The following ABCA4 variants were observed in gnomAD, a reference collection of about 807,000 sequenced individuals.
ABCA4 encodes retinal-specific phospholipid-transporting ATPase ABCA4.
Under a neutral mutation model 263.7 loss-of-function variants are expected in ABCA4, and 196 were observed. That is an observed-to-expected ratio of 0.74 (90% CI 0.66 to 0.84). ABCA4 has a LOEUF of 0.84. ABCA4 is among the 40% of genes least tolerant of loss of function. ABCA4 has a pLI of 0.00. For missense variants in ABCA4, 2,792 were observed against 2,855.1 expected (o/e 0.98, Z 0.50); for synonymous variants, 1,133 against 1,094.2 (o/e 1.04, Z -0.70).
intron 11 of ABCA4, among the ~76,000 whole-genome samples, chr1:94,076,193 A>T (rs1039998947): frequency 7.2e-5 from 11 of 152,274 alleles, no homozygotes; most frequent in Admixed American, 7.2e-4. Context: ...CAGGCCTCCC[A>T]ATCAGAGTAC....
intron 8 of ABCA4, 76 bp downstream of exon 8, chr1:94,080,402 T>C: frequency 3.1e-6 from 5 of 1,598,108 alleles, no homozygotes; most frequent in Non-Finnish European, 4.3e-6. Flanking sequence ...CCAGGTTTGG[T>C]TTCACCTAGA....
rs770491448 is a variant in ABCA4 at position 94,108,627 on chromosome 1, A to T, written c.392T>A (p.Ile131Asn). Residue 131 changes from isoleucine to asparagine, a missense_variant, in exon 4 of 50, where the codon ATC becomes AAC. Transcript: ENST00000370225. Reference sequence around the variant, plus strand: ...GAGGGTGTCCATGAATTGGGACAAGATGTGTAGCTCTGTCCAAATACGGCC... The same window carrying T: ...GAGGGTGTCCATGAATTGGGACAAGTTGTGTAGCTCTGTCCAAATACGGCC... Reference protein sequence around the residue: ...HLGRIWTELHILSQFMDTLRT... With the variant: ...HLGRIWTELHNLSQFMDTLRT... 5 of 1,613,690 alleles carry T rather than the reference A, an allele frequency of 3.1e-6. No homozygotes were observed. The highest frequency in any genetic ancestry group is 1.3e-5 in the African/African-American group (1 of 74,894).
chr1:93,998,444 G>A (rs1217989603), intron 47 of ABCA4, among the ~76,000 whole-genome samples: 1 of 152,118 alleles, frequency 6.6e-6, no homozygotes, highest in African/African-American at 2.4e-5. Context: ...TCATGCCACT[G>A]CACTCCAGCC....
At chr1:94,048,741 T>C in intron 18 of ABCA4, 127 bp downstream of exon 18, 1 of 879,776 alleles carries the variant, frequency 1.1e-6, no homozygotes, top group Non-Finnish European at 1.9e-6. Context: ...GTTTAACACT[T>C]GTCCACAGAG....
intron 48 of ABCA4, among the ~76,000 whole-genome samples, chr1:93,997,637 C>T (rs1425310340): frequency 6.6e-6 from 1 of 152,022 alleles, no homozygotes; most frequent in African/African-American, 2.4e-5. Flanking sequence ...CATAGCATCA[C>T]AGGGAAGGAA....
chr1:94,009,410 C>T (rs893130192), intron 40 of ABCA4, among the ~76,000 whole-genome samples: 1 of 152,134 alleles, frequency 6.6e-6, no homozygotes, highest in African/African-American at 2.4e-5. Flanking sequence ...TCTGTTGTTC[C>T]CCATCAGCTG....
chr1:94,120,582 G>A (rs1303155738), intron 1 of ABCA4, among the ~76,000 whole-genome samples: 3 of 151,990 alleles, frequency 2.0e-5, no homozygotes, highest in East Asian at 1.9e-4. Context: ...GAAGCTGTTC[G>A]AGGGGGTTCT....
In ABCA4 at chr1:94,005,580, A is replaced by G; in HGVS notation, c.6008T>C (p.Ile2003Thr). 1.2e-6 allele frequency: 2 copies of G among 1,614,016 alleles called. No homozygotes were observed. The highest frequency in any genetic ancestry group is 1.7e-6 in the Non-Finnish European group (2 of 1,179,892). The stretch of plus-strand genomic sequence containing the variant: ...ATGGACTTCAGAAATATTGGTTAAA[A>G]TACTGCAAGAAAAAAAGCAATTACT... ...SGDATVAGKSILTNISEVHQN... is the reference protein window; with the variant it reads ...SGDATVAGKSTLTNISEVHQN... The change falls in exon 44 of 50, where the codon ATT becomes ACT. Residue 2003 changes from isoleucine (I) to threonine (T), a missense_variant and splice_region_variant. Coordinates refer to ENST00000370225, the MANE Select transcript of ABCA4 (RefSeq NM_000350.3).
intron 35 of ABCA4, among the ~76,000 whole-genome samples, chr1:94,020,438 G>A (rs1196982292): frequency 6.6e-6 from 1 of 152,220 alleles, no homozygotes; most frequent in African/African-American, 2.4e-5. Flanking sequence ...CTATGTGGTA[G>A]TCACTACCTT....
In ABCA4 at chr1:94,009,488, C is replaced by T. The variant is rs139122649; in HGVS notation, c.5715-617G>A. ...AATCCAGCCCCACCTACCCTTCTCA[C>T]TTACCTCTTGCACTAACTCCTCTGT... On this transcript the variant is annotated intron_variant, in intron 40 of 49. Transcript: ENST00000370225. 1.6e-3 allele frequency among the ~76,000 whole-genome samples: 240 copies of T among 152,296 alleles called. 1 individual carries two copies. Among genetic ancestry groups the T allele is most frequent in the African/African-American group, 5.5e-3 (228 of 41,566 alleles).
chr1:94,094,691 T>C (rs1662074526), intron 6 of ABCA4, among the ~76,000 whole-genome samples: 1 of 152,116 alleles, frequency 6.6e-6, no homozygotes, highest in Non-Finnish European at 1.5e-5. Flanking sequence ...GGGACAGATT[T>C]GCTTCTCAGC....
chr1:94,029,478 G>T lies in ABCA4; in HGVS notation c.4506C>A (p.Cys1502Ter), dbSNP rs61750149. ...TREKLTMLPE[C>*]PEGAGGLPPP... Reference sequence around the variant, plus strand: ...GCGGGAGGCCCCCGGCACCCTCGGGGCACTCTGGCAGCATGGTGAGCTTCT... The same window carrying T: ...GCGGGAGGCCCCCGGCACCCTCGGGTCACTCTGGCAGCATGGTGAGCTTCT... The change falls in exon 30 of 50, where the codon TGC becomes TGA. Residue 1502 changes from cysteine (C) to a stop codon, truncating the protein, a stop_gained. Coordinates refer to ENST00000370225, the MANE Select transcript of ABCA4 (RefSeq NM_000350.3). LOFTEE classifies it high-confidence loss of function. 2 of 1,576,326 alleles carry T rather than the reference G, an allele frequency of 1.3e-6. No homozygotes were observed. The highest frequency in any genetic ancestry group is 1.7e-6 in the Non-Finnish European group (2 of 1,159,308).
intron 31 of ABCA4, among the ~76,000 whole-genome samples, chr1:94,023,822 G>T (rs1208739092): frequency 6.6e-6 from 1 of 152,278 alleles, no homozygotes; most frequent in Non-Finnish European, 1.5e-5. Context: ...CCTCGGGGGA[G>T]TTCCGACTCA....
intron 39 of ABCA4, 114 bp downstream of exon 39, chr1:94,011,148 C>T: frequency 6.3e-7 from 1 of 1,587,908 alleles, no homozygotes; most frequent in Non-Finnish European, 8.6e-7. Context: ...TCCAGCCCAA[C>T]AAGGTCCCCT....
At chr1:94,012,773 C>G (rs1032423495) in intron 38 of ABCA4, among the ~76,000 whole-genome samples, 1 of 152,188 alleles carries the variant, frequency 6.6e-6, no homozygotes, top group African/African-American at 2.4e-5. Flanking sequence ...TGGCTTATAT[C>G]GTTGCAAACT....
chr1:94,023,453 A>G (rs1166599210), intron 31 of ABCA4, 35 bp from the exon 32 acceptor site: 7 of 1,557,734 alleles, frequency 4.5e-6, no homozygotes, highest in Non-Finnish European at 6.2e-6. Context: ...AATGAATACC[A>G]CAAGTACAGC....
intron 1 of ABCA4, among the ~76,000 whole-genome samples, chr1:94,114,022 A>T (rs1662681213): frequency 6.6e-6 from 1 of 152,202 alleles, no homozygotes; most frequent in African/African-American, 2.4e-5. Context: ...TACTCCAGGG[A>T]CCTTAGGAAG....
chr1:94,105,465 G>A (rs769719128), intron 4 of ABCA4, among the ~76,000 whole-genome samples: 1 of 152,146 alleles, frequency 6.6e-6, no homozygotes, highest in Non-Finnish European at 1.5e-5. Flanking sequence ...TGAGGAGGGC[G>A]GGGGCCCAGG....
intron 4 of ABCA4, among the ~76,000 whole-genome samples, chr1:94,105,901 G>A (rs1449532574): frequency 2.6e-5 from 4 of 152,082 alleles, no homozygotes; most frequent in Non-Finnish European, 4.4e-5. Flanking sequence ...CACCAGCCCC[G>A]CCACCCCCAC....
Sources: gnomAD v4.1 joint callset for allele counts (sites outside exome capture counted in the v4.1 genomes callset) on GRCh38, gnomAD v4.1.1 for gene constraint, MANE v1.5 for transcripts, NCBI Gene and HGNC (gene_info 2026-07-23, HGNC 2026-07-21) for gene names.